The following KCNH7 variants were observed in gnomAD, a reference collection of about 807,000 sequenced individuals.
KCNH7 encodes potassium voltage-gated channel subfamily H member 7.
Under a neutral mutation model 120.8 loss-of-function variants are expected in KCNH7, and 49 were observed. The ratio of observed to expected loss-of-function variants is 0.41; its 90% CI spans 0.32 to 0.51. The LOEUF is 0.51. Ranked by LOEUF, KCNH7 falls within the 20% of genes least tolerant of loss-of-function variation. The probability of loss-of-function intolerance (pLI) is 0.38; values close to 1 mark genes in which losing one functional copy is unlikely to be tolerated. For synonymous variants in KCNH7, 547 were observed against 516.1 expected (o/e 1.06, Z -0.81); for missense variants, 1,097 against 1,446.6 (o/e 0.76, Z 3.92).
intron 2 of KCNH7, among the ~76,000 whole-genome samples, chr2:162,692,268 G>A (rs1379204863): frequency 6.6e-6 from 1 of 151,850 alleles, no homozygotes; most frequent in East Asian, 1.9e-4. Flanking sequence ...TAGGACAATA[G>A]GCACACGCCA....
Position 162,504,465 on chromosome 2 carries a change from T to TTG in KCNH7, c.1104_1105dup (p.Asn369ThrfsTer3). ...TACCTGGGTCACTTTCTCAGTCACA[T>TTG]TGTGTGTTCGATCTTTAACCTTGGG... On this transcript the variant is annotated frameshift_variant, in exon 6 of 16. Coordinates refer to ENST00000332142, the MANE Select transcript of KCNH7 (RefSeq NM_033272.4). LOFTEE classifies it high-confidence loss of function. 1 of 1,612,350 alleles carries TTG rather than the reference T, an allele frequency of 6.2e-7. No individual in the cohort carries two copies. Among genetic ancestry groups the TTG allele is most frequent in the Non-Finnish European group, 8.5e-7 (1 of 1,178,716 alleles).
In KCNH7 at chr2:162,396,934, T is replaced by C. The variant is rs1301913003; in HGVS notation, c.2419A>G (p.Ile807Val). Reference sequence around the variant, plus strand: ...TAAAGATGAACCATTTCTCCAAATATATCATTTTTTCCTAAGAAAATATAA... The same window carrying C: ...TAAAGATGAACCATTTCTCCAAATACATCATTTTTTCCTAAGAAAATATAA... ...IVVAILGKNDIFGEMVHLYAK... is the reference protein window; with the variant it reads ...IVVAILGKNDVFGEMVHLYAK... The change falls in exon 11 of 16, where the codon ATA becomes GTA. Residue 807 changes from isoleucine to valine, a missense_variant. By Grantham distance (29) the Ile-to-Val change is conservative. Around this residue, in one of 8 missense-constraint regions of KCNH7, gnomAD observed 101 missense variants for 176.3 expected, o/e 0.57. Coordinates refer to ENST00000332142, the MANE Select transcript of KCNH7 (RefSeq NM_033272.4). The C allele has an allele frequency of 6.2e-7, 1 of 1,604,310 alleles. No individual in the cohort carries two copies. Among genetic ancestry groups the C allele is most frequent in the Admixed American group, 1.7e-5 (1 of 59,558 alleles).
intron 6 of KCNH7, among the ~76,000 whole-genome samples, chr2:162,495,050 G>T (rs1347379455): frequency 1.3e-5 from 2 of 152,118 alleles, no homozygotes; most frequent in African/African-American, 4.8e-5. Context: ...GTTTCTTTCT[G>T]CCTGGCTTCT....
At chr2:162,645,660 C>G (rs568237541) in intron 2 of KCNH7, among the ~76,000 whole-genome samples, 3 of 152,110 alleles carry the variant, frequency 2.0e-5, no homozygotes, top group Non-Finnish European at 4.4e-5. Flanking sequence ...ATGTGTATTT[C>G]TCCCCTACTT....
rs118126645 is a variant in KCNH7 at position 162,507,969 on chromosome 2, A to G, written c.914-3312T>C. On this transcript the variant is annotated intron_variant, in intron 5 of 15. Transcript: ENST00000332142. ...ACGCTTTTAAAACCAAGTTTTCTTC[A>G]TATGTCTGATTATTGTGTTATGTTT... Among the ~76,000 whole-genome samples, 129 of 151,690 alleles carry G rather than the reference A, an allele frequency of 8.5e-4. 2 individuals are homozygous for G. The East Asian group carries it at 0.023, about 27-fold the overall frequency.
chr2:162,577,710 G>C (rs1442030036), intron 2 of KCNH7, among the ~76,000 whole-genome samples: 1 of 151,886 alleles, frequency 6.6e-6, no homozygotes, highest in Admixed American at 6.6e-5. Context: ...ATTCAAGGGA[G>C]AGTACTTCAC....
At chr2:162,511,741 GCA>G (rs1691085228) in intron 5 of KCNH7, among the ~76,000 whole-genome samples, 1 of 151,704 alleles carries the variant, frequency 6.6e-6, no homozygotes, top group Non-Finnish European at 1.5e-5. Flanking sequence ...ATACAAAATT[GCA>G]CAGTGGTCAG....
intron 2 of KCNH7, among the ~76,000 whole-genome samples, chr2:162,653,504 C>A (rs758489253): frequency 6.6e-6 from 1 of 151,902 alleles, no homozygotes; most frequent in Non-Finnish European, 1.5e-5. Context: ...TACATTTAAC[C>A]AAGGAGGTGA....
At chr2:162,608,742 C>G (rs1376956700) in intron 2 of KCNH7, among the ~76,000 whole-genome samples, 1 of 152,178 alleles carries the variant, frequency 6.6e-6, no homozygotes, top group African/African-American at 2.4e-5. Flanking sequence ...TAACTCATTT[C>G]TAGTAACTTG....
chr2:162,781,231 T>C (rs1184847195), intron 2 of KCNH7, among the ~76,000 whole-genome samples: 1 of 152,118 alleles, frequency 6.6e-6, no homozygotes, highest in Non-Finnish European at 1.5e-5. Flanking sequence ...TTTGTATGTA[T>C]TAGCTCATCT....
chr2:162,668,247 T>G (rs1685215658), intron 2 of KCNH7, among the ~76,000 whole-genome samples: 1 of 152,208 alleles, frequency 6.6e-6, no homozygotes, highest in Non-Finnish European at 1.5e-5. Context: ...TCCATGTTTA[T>G]GGTGGGCTTA....
chr2:162,797,846 G>A (rs1684198020), intron 2 of KCNH7: 1 of 152,080 alleles, frequency 6.6e-6, no homozygotes, highest in African/African-American at 2.4e-5. Flanking sequence ...ATTCAGCAAA[G>A]TTCAGAGAAA....
At chr2:162,660,792 C>T (rs536811718) in intron 2 of KCNH7, among the ~76,000 whole-genome samples, 16 of 152,250 alleles carry the variant, frequency 1.1e-4, no homozygotes, top group Admixed American at 9.8e-4. Flanking sequence ...TTAAATCTAA[C>T]ACAACCTTTA....
intron 6 of KCNH7, among the ~76,000 whole-genome samples, chr2:162,472,964 C>A (rs536270805): frequency 2.0e-5 from 3 of 151,938 alleles, no homozygotes; most frequent in African/African-American, 7.3e-5. Flanking sequence ...AGCAAAGTAT[C>A]GCAAGGACAA....
At chr2:162,493,295 T>C (rs1170092006) in intron 6 of KCNH7, among the ~76,000 whole-genome samples, 2 of 152,152 alleles carry the variant, frequency 1.3e-5, no homozygotes, top group Non-Finnish European at 2.9e-5. Flanking sequence ...GTGATGGTTA[T>C]ATAGAAATAG....
intron 2 of KCNH7, among the ~76,000 whole-genome samples, chr2:162,683,934 G>T (rs1364385443): frequency 6.6e-6 from 1 of 152,006 alleles, no homozygotes; most frequent in Non-Finnish European, 1.5e-5. Flanking sequence ...CACACTACCT[G>T]ACTTCTAACT....
intron 6 of KCNH7, among the ~76,000 whole-genome samples, chr2:162,490,783 C>A (rs1050220636): frequency 3.3e-5 from 5 of 152,164 alleles, no homozygotes; most frequent in Non-Finnish European, 2.9e-5. Context: ...TTTTTCAGGG[C>A]TGTCATGGCA....
intron 2 of KCNH7, among the ~76,000 whole-genome samples, chr2:162,538,980 T>C (rs1265215320): frequency 6.6e-6 from 1 of 152,226 alleles, no homozygotes; most frequent in African/African-American, 2.4e-5. Flanking sequence ...TATCTATAAA[T>C]GTGGCAATGG....
rs1021161130 is a variant in KCNH7 at position 162,379,769 on chromosome 2, G to A, written c.3131+84C>T. The A allele has an allele frequency of 6.9e-6, 9 of 1,298,628 alleles. No individual in the cohort carries two copies. In the African/African-American group the frequency reaches 1.2e-4, roughly 17 times the overall value. 80.4% of individuals were successfully genotyped at this position (1,298,628 alleles called of 1,614,324 possible). ...AAGGAAATTATGAGATCATGGCAAGGAGAATTTTCCATTTGTAAGGAGTAA... is the reference window on the plus strand; with the variant it reads ...AAGGAAATTATGAGATCATGGCAAGAAGAATTTTCCATTTGTAAGGAGTAA... On this transcript the variant is annotated intron_variant, in intron 14 of 15. Coordinates refer to ENST00000332142, the MANE Select transcript of KCNH7 (RefSeq NM_033272.4).
Sources: allele counts gnomAD v4.1 joint callset (sites outside exome capture counted in the v4.1 genomes callset), GRCh38; gene constraint gnomAD v4.1.1; regional missense constraint gnomAD v4.1.1; transcripts MANE v1.5; gene names NCBI Gene and HGNC (gene_info 2026-07-23, HGNC 2026-07-21).